Variants in TMEM131 observed in about 807,000 individuals in gnomAD.
TMEM131 encodes the protein transmembrane protein 131.
Under a neutral mutation model 211.6 loss-of-function variants are expected in TMEM131, and 66 were observed. The ratio of observed to expected loss-of-function variants is 0.31; its 90% CI spans 0.26 to 0.38. The LOEUF (loss-of-function observed/expected upper bound fraction) is 0.38. TMEM131 is among the 10% of genes least tolerant of loss of function. TMEM131 has a pLI of 1.00. For missense variants in TMEM131, 2,036 were observed against 2,299.3 expected, an observed-to-expected ratio of 0.89 and a Z score of 2.34; for synonymous variants, 844 against 841.3, an observed-to-expected ratio of 1.00 and a Z score of -0.06.
intron 31 of TMEM131, among the ~76,000 whole-genome samples, chr2:97,787,286 T>G (rs999778537): frequency 1.3e-5 from 2 of 152,244 alleles, no homozygotes; most frequent in South Asian, 4.1e-4. Context: ...GTTAGTTGCC[T>G]CTCTCCCACT....
chr2:97,907,260 C>T (rs1395436568), intron 3 of TMEM131: 1 of 152,106 alleles, frequency 6.6e-6, no homozygotes, highest in East Asian at 1.9e-4. Flanking sequence ...CAGGGCAGGT[C>T]CCAACAGGGC....
At chr2:97,815,390 TAA>T (rs34437270) in intron 12 of TMEM131, 83 bp from the exon 13 acceptor site, 313 of 630,140 alleles carry the variant, frequency 5.0e-4, no homozygotes, top group Non-Finnish European at 5.8e-4. Flanking sequence ...GACAAAATCT[TAA>T]AAAAAAAAAA....
At chr2:97,843,650 CAT>C (rs1559395927) in intron 6 of TMEM131, among the ~76,000 whole-genome samples, 3 of 152,114 alleles carry the variant, frequency 2.0e-5, no homozygotes. Context: ...TTAGTCCTGA[CAT>C]ATAAAAATCT....
Position 97,964,577 on chromosome 2 carries a change from G to A in TMEM131, c.187+30899C>T, listed in dbSNP as rs527711152. On this transcript the variant is annotated intron_variant, in intron 1 of 40. Transcript: ENST00000186436. ...TGTTAAACACACATTTGAAATATAC[G>A]TCCTTGACTAAGTCAATTCTACTGC... 8.3e-4 allele frequency among the ~76,000 whole-genome samples: 126 copies of A among 152,158 alleles called. 1 individual carries two copies. Among genetic ancestry groups the A allele is most frequent in the African/African-American group, 2.7e-3 (114 of 41,494 alleles).
Position 97,823,775 on chromosome 2 carries a change from G to A in TMEM131, c.1075-5054C>T, listed in dbSNP as rs746886757. ...GGAAGAAAATCCTTCTGCCTTCCTC[G>A]AGCAGCTACGGGAGGTCTTAAGGAA... is the stretch of plus-strand genomic sequence containing the variant. On this transcript the variant is annotated intron_variant, in intron 11 of 40. Transcript: ENST00000186436. Among the ~76,000 whole-genome samples, 12 of 152,122 alleles carry A rather than the reference G, an allele frequency of 7.9e-5. No individual in the cohort carries two copies. The South Asian group carries it at 8.3e-4, about 11-fold the overall frequency.
At chr2:97,851,940 T>C (rs1250517302) in intron 5 of TMEM131, among the ~76,000 whole-genome samples, 10 of 152,228 alleles carry the variant, frequency 6.6e-5, no homozygotes, top group Non-Finnish European at 4.4e-5. Flanking sequence ...AATCTGGAAA[T>C]AAGGTTAGTG....
chr2:97,913,538 T>A (rs190907826), intron 2 of TMEM131, among the ~76,000 whole-genome samples: 1 of 152,338 alleles, frequency 6.6e-6, no homozygotes, highest in Admixed American at 6.5e-5. Flanking sequence ...ATTCATACAA[T>A]AACCTATCCT....
rs1681076421 is a variant in TMEM131 at position 97,802,424 on chromosome 2, T to C, written c.2651+4A>G. Reference sequence around the variant, plus strand: ...ACACTGTGATGATCCCAAGCAATACTTACCTTGATACTAACTTATCTACAA... The same window carrying C: ...ACACTGTGATGATCCCAAGCAATACCTACCTTGATACTAACTTATCTACAA... On this transcript the variant is annotated splice_donor_region_variant and intron_variant, in intron 24 of 40. Coordinates refer to ENST00000186436, the MANE Select transcript of TMEM131 (RefSeq NM_015348.2). 6.3e-7 allele frequency: 1 copy of C among 1,585,822 alleles called. No homozygotes were observed. The highest frequency in any genetic ancestry group is 1.4e-5 in the African/African-American group (1 of 73,648).
chr2:97,893,080 C>T (rs760571873), intron 3 of TMEM131, among the ~76,000 whole-genome samples: 12 of 152,100 alleles, frequency 7.9e-5, no homozygotes, highest in Non-Finnish European at 1.3e-4. Flanking sequence ...TGTGATGTTC[C>T]CCTCCCTGCG....
chr2:97,973,704 G>T (rs1679405629), intron 1 of TMEM131, among the ~76,000 whole-genome samples: 1 of 152,114 alleles, frequency 6.6e-6, no homozygotes, highest in African/African-American at 2.4e-5. Flanking sequence ...TTCAAACAGG[G>T]TCAGAAACAG....
Position 97,757,305 on chromosome 2 carries a change from C to T in TMEM131, c.5446G>A (p.Ala1816Thr), listed in dbSNP as rs764378595. Reference protein sequence around the residue: ...SSIWSSNLSSALPFTTPANTL... With the variant: ...SSIWSSNLSSTLPFTTPANTL... ...TTTGCTGGAGTGGTGAAGGGAAGGG[C>T]GCTGCTAAGGTTGCTGGACCAAATG... Residue 1816 changes from alanine (A) to threonine (T), a missense_variant, in exon 41 of 41, where the codon GCC (alanine) becomes ACC (threonine). Coordinates refer to ENST00000186436, the MANE Select transcript of TMEM131 (RefSeq NM_015348.2). 9.3e-6 allele frequency: 15 copies of T among 1,613,694 alleles called. No individual in the cohort carries two copies. The highest frequency in any genetic ancestry group is 3.3e-5 in the South Asian group (3 of 91,068).
At chr2:97,895,598 A>G (rs1675575191) in intron 3 of TMEM131, among the ~76,000 whole-genome samples, 1 of 152,090 alleles carries the variant, frequency 6.6e-6, no homozygotes, top group South Asian at 2.1e-4. Flanking sequence ...TAGACTTAGG[A>G]GGGTGTATGT....
At chr2:97,958,287 C>T (rs1348656788) in intron 1 of TMEM131, among the ~76,000 whole-genome samples, 1 of 152,142 alleles carries the variant, frequency 6.6e-6, no homozygotes, top group Non-Finnish European at 1.5e-5. Context: ...AAACTTCTGG[C>T]AAGTGGCAGA....
chr2:97,980,193 T>C (rs1679724893), intron 1 of TMEM131, among the ~76,000 whole-genome samples: 1 of 152,106 alleles, frequency 6.6e-6, no homozygotes, highest in South Asian at 2.1e-4. Flanking sequence ...ACAGATTTAA[T>C]ACTGAAAAAG....
intron 11 of TMEM131, among the ~76,000 whole-genome samples, chr2:97,827,739 G>C (rs2105036216): frequency 6.6e-6 from 1 of 151,884 alleles, no homozygotes; most frequent in Admixed American, 6.6e-5. Flanking sequence ...GAAATCATTT[G>C]CTGGTTGTTT....
chr2:97,890,267 G>A (rs1675325536), intron 3 of TMEM131, among the ~76,000 whole-genome samples: 1 of 152,222 alleles, frequency 6.6e-6, no homozygotes, highest in South Asian at 2.1e-4. Context: ...GTTCCTGTAG[G>A]AGCCCAACAG....
At chr2:97,867,533 T>G (rs1674321366) in intron 4 of TMEM131, among the ~76,000 whole-genome samples, 1 of 152,206 alleles carries the variant, frequency 6.6e-6, no homozygotes, top group Non-Finnish European at 1.5e-5. Flanking sequence ...TAGTGGTCAC[T>G]GGGGAAGGGG....
intron 4 of TMEM131, among the ~76,000 whole-genome samples, chr2:97,871,670 C>T (rs756259714): frequency 6.6e-6 from 1 of 152,226 alleles, no homozygotes; most frequent in Admixed American, 6.5e-5. Context: ...ATTCCATCCT[C>T]AACCAATCAA....
Position 97,802,554 on chromosome 2 carries a change from A to T in TMEM131, c.2542-17T>A, listed in dbSNP as rs1681083685. The T allele has an allele frequency of 6.2e-7, 1 of 1,603,538 alleles. No individual in the cohort carries two copies. Among genetic ancestry groups the T allele is most frequent in the East Asian group, 2.2e-5 (1 of 44,780 alleles). Reference sequence around the variant, plus strand: ...CTCTTCTTCCTTAAACAAAATAATGAAACATTAAATGAAAGATTTCTATAG... The same window carrying T: ...CTCTTCTTCCTTAAACAAAATAATGTAACATTAAATGAAAGATTTCTATAG... On this transcript the variant is annotated splice_polypyrimidine_tract_variant and intron_variant, in intron 23 of 40. Coordinates refer to ENST00000186436, the MANE Select transcript of TMEM131 (RefSeq NM_015348.2).
Sources: allele counts gnomAD v4.1 joint callset (sites outside exome capture counted in the v4.1 genomes callset), GRCh38; gene constraint gnomAD v4.1.1; transcripts MANE v1.5; gene names NCBI Gene and HGNC (gene_info 2026-07-23, HGNC 2026-07-21).